RTL4: variants seen among roughly 807,000 people sequenced by gnomAD.
RTL4 encodes the protein retrotransposon Gag like 4.
In RTL4, 4 loss-of-function variants were observed where a neutral mutation model predicts 5.3. The observed-to-expected ratio is 0.75, with a 90% CI of 0.37 to 1.72. RTL4 has a LOEUF of 1.72. Among genes scored for constraint, RTL4 ranks in the 40% most tolerant of loss-of-function variants. The pLI is 0.04. For missense variants in RTL4, 260 were observed against 227.1 expected (o/e 1.14, Z -0.93); for synonymous variants, 98 against 87.3 (o/e 1.12, Z -0.68).
At chrX:112,173,033 G>GA in the RTL4 span, among the ~76,000 whole-genome samples, 1 of 109,658 alleles carries the variant, frequency 9.1e-6, no homozygotes, top group East Asian at 2.9e-4. Flanking sequence ...ACATCATCAG[G>GA]AAGAATGGCT....
the RTL4 span, among the ~76,000 whole-genome samples, chrX:112,230,495 G>T: frequency 2.7e-5 from 3 of 112,153 alleles, no homozygotes; most frequent in Non-Finnish European, 5.6e-5. Context: ...GCAATGCCTC[G>T]CCCTGCTTCG....
At chrX:112,292,437 C>G in the RTL4 span, among the ~76,000 whole-genome samples, 1 of 111,868 alleles carries the variant, frequency 8.9e-6, no homozygotes, top group African/African-American at 3.3e-5. Context: ...ACTAGCAAAG[C>G]AAGGACCTCT....
chrX:112,402,420 G>C, the RTL4 span, among the ~76,000 whole-genome samples: 5 of 108,362 alleles, frequency 4.6e-5, no homozygotes, highest in Admixed American at 5.0e-4. Context: ...GTGTGTGTGT[G>C]TGTGTGTGTG....
the RTL4 span, among the ~76,000 whole-genome samples, chrX:112,166,642 A>T: frequency 8.9e-6 from 1 of 111,973 alleles, no homozygotes; most frequent in South Asian, 3.7e-4. Flanking sequence ...CCTGTGCTTG[A>T]AAGTACTTTG....
the RTL4 span, among the ~76,000 whole-genome samples, chrX:112,351,601 G>T: frequency 2.8e-5 from 3 of 108,036 alleles, no homozygotes; most frequent in Admixed American, 3.0e-4. Context: ...TTGTTGAATT[G>T]ATCCCTTTAC....
chrX:112,407,775 T>A, the RTL4 span, among the ~76,000 whole-genome samples: 6 of 112,894 alleles, frequency 5.3e-5, no homozygotes, highest in Non-Finnish European at 1.1e-4. Context: ...CTTGTGTTAC[T>A]CTACCCCCAG....
At chrX:112,421,075 A>G in the RTL4 span, among the ~76,000 whole-genome samples, 5 of 111,589 alleles carry the variant, frequency 4.5e-5, no homozygotes, top group East Asian at 1.1e-3. Flanking sequence ...GTGCCATACT[A>G]GCATTATCAA....
the RTL4 span, among the ~76,000 whole-genome samples, chrX:112,145,326 A>G: frequency 8.9e-6 from 1 of 111,738 alleles, no homozygotes; most frequent in Non-Finnish European, 1.9e-5. Context: ...TTAATTCACC[A>G]GAGTGAATTA....
the RTL4 span, among the ~76,000 whole-genome samples, chrX:112,387,151 A>G: frequency 9.1e-6 from 1 of 110,189 alleles, no homozygotes; most frequent in Non-Finnish European, 1.9e-5. Flanking sequence ...CCATTTGTAT[A>G]TTCTTTTGAA....
the RTL4 span, among the ~76,000 whole-genome samples, chrX:112,227,001 A>AAATAAAATAAAATAAAATAAAATAC: frequency 9.2e-6 from 1 of 108,977 alleles, no homozygotes; most frequent in African/African-American, 3.3e-5. Flanking sequence ...AAATAAAATA[A>AAATAAAATAAAATAAAATAAAATAC]AATAAAATAA....
chrX:112,426,741 AAAG>A, the RTL4 span, among the ~76,000 whole-genome samples: 2 of 111,285 alleles, frequency 1.8e-5, no homozygotes, highest in African/African-American at 6.5e-5. Flanking sequence ...ACCTGCAAAA[AAAG>A]AAGTTTTATT....
chrX:112,403,973 A>G, the RTL4 span, among the ~76,000 whole-genome samples: 4 of 112,378 alleles, frequency 3.6e-5, no homozygotes, highest in African/African-American at 1.3e-4. Flanking sequence ...TCATAAAATC[A>G]AGAAACAAAA....
the RTL4 span, among the ~76,000 whole-genome samples, chrX:112,163,445 A>G: frequency 3.6e-5 from 4 of 111,517 alleles, no homozygotes; most frequent in African/African-American, 1.3e-4. Flanking sequence ...TCATCTCTGC[A>G]TGCTCTAGGC....
the RTL4 span, among the ~76,000 whole-genome samples, chrX:112,269,960 G>C: frequency 8.9e-6 from 1 of 112,379 alleles, no homozygotes; most frequent in Non-Finnish European, 1.9e-5. Flanking sequence ...TCATAGCTTT[G>C]TGGCATAAGC....
chrX:112,298,513 G>C, the RTL4 span, among the ~76,000 whole-genome samples: 7 of 112,147 alleles, frequency 6.2e-5, no homozygotes, highest in Non-Finnish European at 1.3e-4. Context: ...ACTTACTTTA[G>C]GGTCCTCGGG....
chrX:112,091,242 T>A, the RTL4 span, among the ~76,000 whole-genome samples: 1 of 111,795 alleles, frequency 8.9e-6, no homozygotes, highest in Non-Finnish European at 1.9e-5. Flanking sequence ...CTAATATCTG[T>A]TTTATTTATC....
the RTL4 span, among the ~76,000 whole-genome samples, chrX:112,249,578 G>C: frequency 2.7e-5 from 3 of 110,607 alleles, no homozygotes; most frequent in Non-Finnish European, 5.7e-5. Flanking sequence ...AATAGCATAA[G>C]AAGTTGAGTA....
the RTL4 span, among the ~76,000 whole-genome samples, chrX:112,214,165 C>A: frequency 9.0e-6 from 1 of 111,299 alleles, no homozygotes; most frequent in Non-Finnish European, 1.9e-5. Context: ...GCTCTAATAC[C>A]ACTCAATTTC....
chrX:112,357,534 A>C, the RTL4 span, among the ~76,000 whole-genome samples: 9 of 112,095 alleles, frequency 8.0e-5, no homozygotes, highest in African/African-American at 2.6e-4. Flanking sequence ...AAAGATCAAA[A>C]CAAAACAAAA....
Sources: allele counts gnomAD v4.1 joint callset (sites outside exome capture counted in the v4.1 genomes callset), GRCh38; gene constraint gnomAD v4.1.1; transcripts MANE v1.5; gene names NCBI Gene and HGNC (gene_info 2026-07-23, HGNC 2026-07-21).